PDE4B: variants seen among roughly 807,000 people sequenced by gnomAD.
The protein encoded by PDE4B is 3',5'-cyclic-AMP phosphodiesterase 4B.
A neutral mutation model predicts 82.2 loss-of-function variants in PDE4B; 20 were observed. The ratio of observed to expected loss-of-function variants is 0.24; its 90% confidence interval spans 0.17 to 0.35. PDE4B has a LOEUF of 0.35. PDE4B is among the 10% of genes least tolerant of loss of function. The pLI, the probability that PDE4B is intolerant of heterozygous loss-of-function variation, is 1.00. For missense variants in PDE4B, 655 were observed against 907.2 expected, an observed-to-expected ratio of 0.72 and a Z score of 3.57; for synonymous variants, 320 against 318.9, an observed-to-expected ratio of 1.00 and a Z score of -0.04.
intron 3 of PDE4B, among the ~76,000 whole-genome samples, chr1:65,939,953 G>A (rs943341486): frequency 2.0e-5 from 3 of 152,044 alleles, no homozygotes; most frequent in Non-Finnish European, 2.9e-5. Flanking sequence ...TTTGATAAAG[G>A]CATGAGTTTG....
chr1:66,190,535 G>T (rs12729174), intron 3 of PDE4B, among the ~76,000 whole-genome samples: 24,331 of 152,102 alleles, frequency 0.16, 2,176 homozygotes, highest in Non-Finnish European at 0.2. Flanking sequence ...TGGCAATGGC[G>T]GGCACCCCTC....
At chr1:65,844,006 G>A (rs1467032914) in intron 1 of PDE4B, among the ~76,000 whole-genome samples, 1 of 152,130 alleles carries the variant, frequency 6.6e-6, no homozygotes, top group African/African-American at 2.4e-5. Context: ...GTTTCAGGTA[G>A]TTCAGTTTCT....
At chr1:66,296,461 A>G (rs1415222751) in intron 7 of PDE4B, among the ~76,000 whole-genome samples, 1 of 152,210 alleles carries the variant, frequency 6.6e-6, no homozygotes, top group Non-Finnish European at 1.5e-5. Context: ...AATGTAGCAA[A>G]GTAGCTATGA....
intron 3 of PDE4B, among the ~76,000 whole-genome samples, chr1:65,965,251 C>T (rs77576786): frequency 2.6e-4 from 39 of 152,028 alleles, no homozygotes; most frequent in African/African-American, 8.9e-4. Context: ...TTTCCTCCCC[C>T]CCCCATGGAA....
At chr1:66,311,851 A>T (rs1348079966) in intron 7 of PDE4B, among the ~76,000 whole-genome samples, 10 of 152,206 alleles carry the variant, frequency 6.6e-5, no homozygotes, top group Admixed American at 1.3e-4. Context: ...AGTGGAAGAG[A>T]AAGTCAGGGC....
intron 1 of PDE4B, among the ~76,000 whole-genome samples, chr1:65,840,064 C>T (rs1049863821): frequency 5.3e-5 from 8 of 152,028 alleles, no homozygotes. Flanking sequence ...GTGTAAATTG[C>T]ACCACATGAG....
chr1:66,084,012 A>C (rs937327533), intron 3 of PDE4B, among the ~76,000 whole-genome samples: 1 of 152,126 alleles, frequency 6.6e-6, no homozygotes, highest in African/African-American at 2.4e-5. Flanking sequence ...ACGCTTGTTG[A>C]TAGGATTATT....
intron 3 of PDE4B, among the ~76,000 whole-genome samples, chr1:66,172,858 C>A (rs1478460353): frequency 6.6e-6 from 1 of 152,102 alleles, no homozygotes; most frequent in Non-Finnish European, 1.5e-5. Context: ...TTTAAAGGAA[C>A]TTTTAAAAAT....
intron 3 of PDE4B, among the ~76,000 whole-genome samples, chr1:66,226,024 A>G (rs2101618249): frequency 6.6e-6 from 1 of 152,348 alleles, no homozygotes; most frequent in South Asian, 2.1e-4. Context: ...TCAGGTCCTA[A>G]GCCTTGTGGA....
At chr1:66,330,816 TTGAAGA>T in intron 7 of PDE4B, 1 of 984,080 alleles carries the variant, frequency 1.0e-6, no homozygotes, top group Non-Finnish European at 1.2e-6. Flanking sequence ...CATTGCAAAA[TTGAAGA>T]TGAAGAAAGG....
At chr1:66,249,099 G>A (rs1653555646) in intron 4 of PDE4B, among the ~76,000 whole-genome samples, 1 of 152,236 alleles carries the variant, frequency 6.6e-6, no homozygotes, top group Non-Finnish European at 1.5e-5. Context: ...AATGACTGCA[G>A]AGTAGAGGTG....
intron 3 of PDE4B, among the ~76,000 whole-genome samples, chr1:66,186,939 G>T (rs1022461602): frequency 5.9e-5 from 9 of 152,074 alleles, no homozygotes; most frequent in South Asian, 2.1e-4. Flanking sequence ...CTTCCAGTTT[G>T]TGCCCATTCA....
chr1:66,299,037 C>A (rs1317410552), intron 7 of PDE4B, among the ~76,000 whole-genome samples: 1 of 152,074 alleles, frequency 6.6e-6, no homozygotes, highest in African/African-American at 2.4e-5. Flanking sequence ...GAGTAATTAG[C>A]ATATTCATCA....
At chr1:66,229,452 G>T (rs1002624416) in intron 3 of PDE4B, among the ~76,000 whole-genome samples, 1 of 152,194 alleles carries the variant, frequency 6.6e-6, no homozygotes, top group African/African-American at 2.4e-5. Flanking sequence ...TGTTCGTTTT[G>T]AGTTACCAAT....
chr1:66,126,296 C>G (rs1164284965), intron 3 of PDE4B, among the ~76,000 whole-genome samples: 1 of 151,956 alleles, frequency 6.6e-6, no homozygotes, highest in African/African-American at 2.4e-5. Flanking sequence ...CAGTTCCTAA[C>G]TAACAAAATA....
chr1:65,945,261 T>C (rs1194694627), intron 3 of PDE4B, among the ~76,000 whole-genome samples: 1 of 152,026 alleles, frequency 6.6e-6, no homozygotes. Flanking sequence ...TGGCAGCTTC[T>C]GGATGGTGTG....
intron 3 of PDE4B, chr1:66,042,443 G>A (rs1055614478): frequency 6.6e-6 from 1 of 151,758 alleles, no homozygotes; most frequent in African/African-American, 2.4e-5. Flanking sequence ...TATTAATTAT[G>A]TACAACTGCA....
chr1:66,336,547 C>G (rs772822256), intron 8 of PDE4B, among the ~76,000 whole-genome samples: 1 of 152,188 alleles, frequency 6.6e-6, no homozygotes, highest in South Asian at 2.1e-4. Flanking sequence ...TTTTCATTCT[C>G]CATTGGTTTG....
chr1:66,351,319 A>G (rs978042518), intron 8 of PDE4B, among the ~76,000 whole-genome samples: 6 of 152,220 alleles, frequency 3.9e-5, no homozygotes, highest in Non-Finnish European at 8.8e-5. Context: ...CTTTAAAATA[A>G]TGTGTTCCTG....
Sources: gnomAD v4.1 joint callset for allele counts (sites outside exome capture counted in the v4.1 genomes callset) on GRCh38, gnomAD v4.1.1 for gene constraint, MANE v1.5 for transcripts, NCBI Gene and HGNC (gene_info 2026-07-23, HGNC 2026-07-21) for gene names.